The following ZNF385D variants were observed in gnomAD, a reference collection of about 807,000 sequenced individuals.
The protein encoded by ZNF385D is zinc finger protein 385D.
A neutral mutation model predicts 35.8 loss-of-function variants in ZNF385D; 15 were observed. That is an observed-to-expected ratio of 0.42 (90% CI 0.28 to 0.64). ZNF385D has a LOEUF of 0.64. ZNF385D is among the 30% of genes least tolerant of loss of function. ZNF385D has a pLI of 0.23. For synonymous variants in ZNF385D, 212 were observed against 186.8 expected, an observed-to-expected ratio of 1.13 and a Z score of -1.10; for missense variants, 474 against 494.6, an observed-to-expected ratio of 0.96 and a Z score of 0.39.
At chr3:21,919,593 G>A (rs1471432749) in intron 3 of ZNF385D, among the ~76,000 whole-genome samples, 1 of 152,194 alleles carries the variant, frequency 6.6e-6, no homozygotes, top group Non-Finnish European at 1.5e-5. Flanking sequence ...AAGAGAGCAT[G>A]ATTCACATGC....
intron 1 of ZNF385D, among the ~76,000 whole-genome samples, chr3:21,704,967 G>T (rs779222918): frequency 6.6e-6 from 1 of 152,090 alleles, no homozygotes; most frequent in South Asian, 2.1e-4. Flanking sequence ...TGGCTTGGTG[G>T]TAACCATGGT....
intron 2 of ZNF385D, among the ~76,000 whole-genome samples, chr3:22,260,304 A>G (rs924444878): frequency 6.6e-6 from 1 of 151,960 alleles, no homozygotes; most frequent in African/African-American, 2.4e-5. Flanking sequence ...CACATGAACA[A>G]TGAGAACACA....
intron 3 of ZNF385D, among the ~76,000 whole-genome samples, chr3:22,067,507 T>A (rs1476540367): frequency 2.6e-5 from 4 of 152,174 alleles, no homozygotes. Context: ...GGCTTAGAAA[T>A]CATCTTTTAA....
Position 22,190,087 on chromosome 3 carries a change from T to TA in ZNF385D, c.107-21053dup, listed in dbSNP as rs537263679. ...TGGCCCAGTGGGTGTAACGAAGCAA[T>TA]AAAAAAACAGTATTCTTGGTAAGTG... On this transcript the variant is annotated intron_variant, in intron 2 of 5. Transcript: ENST00000494108. 3.3e-4 allele frequency among the ~76,000 whole-genome samples: 50 copies of TA among 152,202 alleles called. No individual in the cohort carries two copies. In the East Asian group the frequency reaches 8.1e-3, roughly 25 times the overall value.
intron 1 of ZNF385D, among the ~76,000 whole-genome samples, chr3:21,697,768 T>C (rs895895553): frequency 1.3e-5 from 2 of 150,988 alleles, no homozygotes; most frequent in Non-Finnish European, 3.0e-5. Context: ...AAGAAAAAAA[T>C]GAATAGAAAG....
intron 3 of ZNF385D, among the ~76,000 whole-genome samples, chr3:21,899,724 G>A (rs531541640): frequency 8.1e-4 from 123 of 152,140 alleles, no homozygotes; most frequent in African/African-American, 2.9e-3. Context: ...CTTTATGTTT[G>A]CTTTATATTT....
At chr3:21,464,494 G>A (rs1328934160) in intron 4 of ZNF385D, among the ~76,000 whole-genome samples, 1 of 151,836 alleles carries the variant, frequency 6.6e-6, no homozygotes, top group Non-Finnish European at 1.5e-5. Flanking sequence ...TACACACAGA[G>A]AACCTCAGAC....
chr3:22,180,007 T>C (rs1695121334), intron 2 of ZNF385D, among the ~76,000 whole-genome samples: 1 of 152,126 alleles, frequency 6.6e-6, no homozygotes, highest in East Asian at 1.9e-4. Context: ...AGCTGGTTTT[T>C]TGAAAAGATC....
chr3:21,686,128 T>C (rs1312703306), intron 1 of ZNF385D, among the ~76,000 whole-genome samples: 1 of 152,136 alleles, frequency 6.6e-6, no homozygotes, highest in Admixed American at 6.6e-5. Flanking sequence ...AATAGCACAG[T>C]GGAAATTTAA....
chr3:21,500,562 A>G (rs989040540), intron 4 of ZNF385D, among the ~76,000 whole-genome samples: 107 of 152,330 alleles, frequency 7.0e-4, no homozygotes, highest in African/African-American at 2.5e-3. Context: ...TTGGCACACA[A>G]CATGTGCATT....
At chr3:21,724,356 C>G (rs2068663805) in intron 1 of ZNF385D, among the ~76,000 whole-genome samples, 1 of 151,452 alleles carries the variant, frequency 6.6e-6, no homozygotes, top group Non-Finnish European at 1.5e-5. Context: ...CACACAATGG[C>G]ACATTGCATA....
chr3:22,094,389 T>G lies in ZNF385D; in HGVS notation c.325+74428A>C, dbSNP rs1377491296. Among the ~76,000 whole-genome samples the G allele has an allele frequency of 2.4e-4, 19 of 79,038 alleles. 1 individual carries two copies. The highest frequency in any genetic ancestry group is 3.6e-4 in the Admixed American group (3 of 8,222). 51.9% of individuals were successfully genotyped at this position (79,038 alleles called of 152,430 possible). A position where few individuals can be genotyped will look rare whatever the true frequency, so the allele number is the denominator to read the frequency against. ...TGTCTTCTGTCATTTATTGTTGATATATATATATATATATATATATAAAGG... is the reference window on the plus strand; with the variant it reads ...TGTCTTCTGTCATTTATTGTTGATAGATATATATATATATATATATAAAGG... On this transcript the variant is annotated intron_variant, in intron 3 of 5. Coordinates refer to the ZNF385D transcript ENST00000494108.
At chr3:22,181,021 T>C (rs975601083) in intron 2 of ZNF385D, among the ~76,000 whole-genome samples, 6 of 151,668 alleles carry the variant, frequency 4.0e-5, no homozygotes, top group Non-Finnish European at 8.8e-5. Flanking sequence ...CTTCTTAAAA[T>C]ATATTTTAAT....
rs759844514 is a variant in ZNF385D, at chr3:22,160,026, C to CAGTT, written c.325+8787_325+8790dup. ...TGTGGGGGTAATTGAATCATGGGGC[C>CAGTT]AGTTTTCCCCATGCTGTTCTTGTGA... On this transcript the variant is annotated intron_variant, in intron 3 of 5. Coordinates refer to the ZNF385D transcript ENST00000494108. Among the ~76,000 whole-genome samples, 134 of 152,072 alleles carry CAGTT rather than the reference C, an allele frequency of 8.8e-4. 1 individual carries two copies. The highest frequency in any genetic ancestry group is 3.4e-3 in the Middle Eastern group (1 of 294).
intron 2 of ZNF385D, among the ~76,000 whole-genome samples, chr3:21,630,428 C>G (rs535142513): frequency 2.0e-5 from 3 of 152,098 alleles, no homozygotes; most frequent in Non-Finnish European, 4.4e-5. Flanking sequence ...TGGTCTTGAA[C>G]TCCTGACCTC....
intron 2 of ZNF385D, among the ~76,000 whole-genome samples, chr3:22,195,569 C>T (rs1385509351): frequency 6.6e-6 from 1 of 151,956 alleles, no homozygotes; most frequent in Admixed American, 6.6e-5. Context: ...ATTTTGAAAT[C>T]TGTGGTCCAA....
chr3:21,819,296 G>A (rs1290320833), intron 3 of ZNF385D, among the ~76,000 whole-genome samples: 1 of 151,664 alleles, frequency 6.6e-6, no homozygotes, highest in South Asian at 2.1e-4. Context: ...AATAGACTAA[G>A]CTCTAGAATT....
At chr3:21,425,866 T>G (rs1700998422) in intron 5 of ZNF385D, among the ~76,000 whole-genome samples, 196 bp from the exon 6 acceptor site, 1 of 152,224 alleles carries the variant, frequency 6.6e-6, no homozygotes, top group Non-Finnish European at 1.5e-5. Context: ...TACAGCAGAC[T>G]GTAACAATGT....
chr3:21,989,764 G>T (rs934579656), intron 3 of ZNF385D, among the ~76,000 whole-genome samples: 3 of 152,004 alleles, frequency 2.0e-5, no homozygotes, highest in African/African-American at 7.2e-5. Flanking sequence ...GCATTAAAAT[G>T]CTTCAACTGA....
Sources: allele counts gnomAD v4.1 joint callset (sites outside exome capture counted in the v4.1 genomes callset), GRCh38; gene constraint gnomAD v4.1.1; transcripts MANE v1.5; gene names NCBI Gene and HGNC (gene_info 2026-07-23, HGNC 2026-07-21).